TRIP12: variants seen among roughly 807,000 people sequenced by gnomAD.
TRIP12 encodes E3 ubiquitin-protein ligase TRIP12.
A neutral mutation model predicts 244.2 loss-of-function variants in TRIP12; 25 were observed. That is an observed-to-expected ratio of 0.10 (90% CI 0.07 to 0.14). TRIP12 has a LOEUF of 0.14. Among genes scored for constraint, TRIP12 ranks in the 10% least tolerant of loss-of-function variants. The probability of loss-of-function intolerance (pLI) is 1.00; values close to 1 mark genes in which losing one functional copy is unlikely to be tolerated. For synonymous variants in TRIP12, 905 were observed against 873.1 expected, an observed-to-expected ratio of 1.04 and a Z score of -0.64; for missense variants, 1,677 against 2,486.4, an observed-to-expected ratio of 0.67 and a Z score of 6.92.
intron 1 of TRIP12, among the ~76,000 whole-genome samples, chr2:229,915,446 A>C (rs931619237): frequency 6.6e-6 from 1 of 152,208 alleles, no homozygotes; most frequent in Non-Finnish European, 1.5e-5. Flanking sequence ...CAAAATAAGA[A>C]TCAAAATTTT....
intron 8 of TRIP12, among the ~76,000 whole-genome samples, chr2:229,828,696 G>A (rs1405535854): frequency 2.0e-5 from 3 of 152,198 alleles, no homozygotes; most frequent in Middle Eastern, 3.4e-3. Context: ...GGACCCGAGA[G>A]GCAGAGGTTG....
intron 2 of TRIP12, among the ~76,000 whole-genome samples, chr2:229,867,487 A>G (rs746326288): frequency 3.5e-4 from 53 of 152,068 alleles, no homozygotes; most frequent in Non-Finnish European, 6.6e-4. Context: ...TGAAGACTTT[A>G]GAGATAGTAT....
In TRIP12 at chr2:229,802,416, C is replaced by G; in HGVS notation, c.3042G>C (p.Leu1014Phe). The change falls in exon 21 of 42, where the codon TTG becomes TTC. Residue 1014 changes from leucine to phenylalanine, a missense_variant. This residue lies in a region of TRIP12 where 572 missense variants were observed against 867.8 expected (regional missense o/e 0.66). Transcript: ENST00000675903. ...QVKHLAESES[L>F]LTSPPKACTN... ...TACATGCCTTTGGTGGACTTGTCAA[C>G]AAAGACTCTGATTCTGCTAAGTGTT... 6.2e-7 allele frequency: 1 copy of G among 1,613,968 alleles called. No homozygotes were observed. Among genetic ancestry groups the G allele is most frequent in the Non-Finnish European group, 8.5e-7 (1 of 1,179,954 alleles).
intron 37 of TRIP12, 127 bp downstream of exon 37, chr2:229,777,188 A>G: frequency 3.6e-6 from 4 of 1,101,738 alleles, no homozygotes; most frequent in Non-Finnish European, 5.1e-6. Flanking sequence ...TTAGTACAAT[A>G]AAAGAATTAA....
chr2:229,883,452 T>A (rs764533901), intron 1 of TRIP12, among the ~76,000 whole-genome samples: 26 of 152,224 alleles, frequency 1.7e-4, no homozygotes, highest in Admixed American at 3.9e-4. Flanking sequence ...AAAAGTTATG[T>A]TTTCATAGCC....
At chr2:229,805,249 A>AACAAC (rs1559522902) in intron 18 of TRIP12, among the ~76,000 whole-genome samples, 2 of 17,534 alleles carry the variant, frequency 1.1e-4, no homozygotes, top group Non-Finnish European at 3.0e-4. Flanking sequence ...ACAACAACAA[A>AACAAC]AATATTTGCA....
intron 11 of TRIP12, 124 bp from the exon 12 acceptor site, chr2:229,814,449 G>T: frequency 1.2e-6 from 1 of 849,716 alleles, no homozygotes. Flanking sequence ...CCCACCATAG[G>T]ATGCAAGTCA....
intron 40 of TRIP12, 54 bp downstream of exon 40, chr2:229,769,177 C>T (rs1177588081): frequency 2.6e-6 from 4 of 1,509,742 alleles, no homozygotes; most frequent in Non-Finnish European, 3.7e-6. Context: ...ACACACACAC[C>T]CCTCTCCACA....
intron 31 of TRIP12, 58 bp from the exon 32 acceptor site, chr2:229,788,998 C>T: frequency 1.4e-6 from 2 of 1,477,540 alleles, no homozygotes; most frequent in Non-Finnish European, 1.8e-6. Flanking sequence ...GGATTATATT[C>T]ACAATCTCTT....
intron 2 of TRIP12, among the ~76,000 whole-genome samples, chr2:229,865,781 C>T (rs1005876746): frequency 6.6e-6 from 1 of 152,152 alleles, no homozygotes; most frequent in African/African-American, 2.4e-5. Flanking sequence ...GGAAAGTTCA[C>T]TTTAAACCAC....
At chr2:229,911,163 T>C (rs1254628521) in intron 1 of TRIP12, among the ~76,000 whole-genome samples, 1 of 152,256 alleles carries the variant, frequency 6.6e-6, no homozygotes, top group Non-Finnish European at 1.5e-5. Context: ...ACTTCACGAA[T>C]ATTTTTATTC....
chr2:229,784,470 T>C (rs548948377), intron 34 of TRIP12, among the ~76,000 whole-genome samples: 5 of 147,812 alleles, frequency 3.4e-5, no homozygotes, highest in East Asian at 2.0e-4. Flanking sequence ...TCTGAGACCA[T>C]GGTTTAGAGA....
upstream of TRIP12, chr2:229,922,228 G>A (rs1437840459): frequency 2.0e-5 from 7 of 349,668 alleles, no homozygotes; most frequent in South Asian, 4.2e-5. Flanking sequence ...CGAGGGACCA[G>A]GAAGGGGACT....
At chr2:229,813,755 G>T in intron 13 of TRIP12, 115 bp downstream of exon 13, 2 of 748,276 alleles carry the variant, frequency 2.7e-6, no homozygotes, top group Non-Finnish European at 3.5e-6. Flanking sequence ...CTGCACTCTA[G>T]CCTGGGTAAC....
intron 1 of TRIP12, among the ~76,000 whole-genome samples, chr2:229,915,809 T>C (rs1170173367): frequency 5.9e-5 from 9 of 152,050 alleles, no homozygotes; most frequent in Non-Finnish European, 1.3e-4. Flanking sequence ...TCCTCTCACC[T>C]CAGCCTCCCA....
chr2:229,911,774 G>A (rs917641645), intron 1 of TRIP12, among the ~76,000 whole-genome samples: 72 of 151,836 alleles, frequency 4.7e-4, no homozygotes, highest in African/African-American at 1.7e-3. Context: ...AGTGCAAAGC[G>A]AATATTTTAT....
At chr2:229,823,573 G>A (rs1043252290) in intron 8 of TRIP12, among the ~76,000 whole-genome samples, 1 of 152,042 alleles carries the variant, frequency 6.6e-6, no homozygotes, top group African/African-American at 2.4e-5. Flanking sequence ...CTACTCGGGA[G>A]GTTGACGCAG....
At position 229,766,956 on chromosome 2, in the gene TRIP12, CAT is replaced by C. The variant is rs2031955079; in HGVS notation, c.*596_*597del. ...TAAATTAGATCTTAACTGGAGAGAA[CAT>C]GGGACAACAGAAGCCCATGGGTAAC... is the stretch of plus-strand genomic sequence containing the variant. On this transcript the variant is annotated 3_prime_UTR_variant, in exon 42 of 42. Coordinates refer to ENST00000675903, the MANE Select transcript of TRIP12 (RefSeq NM_001348323.3). 2.0e-5 allele frequency: 3 copies of C among 151,942 alleles called. No homozygotes were observed. Among genetic ancestry groups the C allele is most frequent in the Admixed American group, 2.0e-4 (3 of 15,264 alleles). The allele number at this position is 151,942 out of a possible 1,614,324, so 9.4% of individuals were successfully genotyped here.
chr2:229,841,161 T>C (rs1035607870), intron 4 of TRIP12, among the ~76,000 whole-genome samples: 2 of 152,184 alleles, frequency 1.3e-5, no homozygotes, highest in African/African-American at 4.8e-5. Flanking sequence ...ACCCAAGCTA[T>C]CCCCAAAGTC....
Sources: allele counts gnomAD v4.1 joint callset (sites outside exome capture counted in the v4.1 genomes callset), GRCh38; gene constraint gnomAD v4.1.1; regional missense constraint gnomAD v4.1.1; transcripts MANE v1.5; gene names NCBI Gene and HGNC (gene_info 2026-07-23, HGNC 2026-07-21).